The following PIP5K1C variants were observed in gnomAD, a reference collection of about 807,000 sequenced individuals.
PIP5K1C encodes phosphatidylinositol-4-phosphate 5-kinase type 1 gamma.
In PIP5K1C, 45 loss-of-function variants were observed where a neutral mutation model predicts 80.1. The ratio of observed to expected loss-of-function variants is 0.56; its 90% CI spans 0.44 to 0.72. The LOEUF (loss-of-function observed/expected upper bound fraction) is 0.72. Ranked by LOEUF, PIP5K1C falls within the 30% of genes least tolerant of loss-of-function variation. The pLI is 0.00. For missense variants in PIP5K1C, 753 were observed against 954.6 expected, an observed-to-expected ratio of 0.79 and a Z score of 2.78; for synonymous variants, 498 against 420.1, an observed-to-expected ratio of 1.19 and a Z score of -2.27.
rs1275101171 is a variant in PIP5K1C at position 3,648,491 on chromosome 19, A to G, written c.1211+134T>C. 2.4e-6 allele frequency: 2 copies of G among 819,996 alleles called. No individual in the cohort carries two copies. The highest frequency in any genetic ancestry group is 3.5e-5 in the African/African-American group (2 of 57,438). The allele number at this position is 819,996 out of a possible 1,614,324, so 50.8% of individuals were successfully genotyped here. On this transcript the variant is annotated intron_variant, in intron 9 of 17. Coordinates refer to ENST00000335312, the MANE Select transcript of PIP5K1C (RefSeq NM_012398.3). This position sits in a 1 kb window ranked among gnomAD's most constrained non-coding sequence, Gnocchi z 4.3. ...CTGGGGGCGCCCATCCACCTGTGGG[A>G]CTGCAGACCCAGGCGCCCACCTGTG...
chr19:3,694,211 CA>C (rs1175485721), intron 1 of PIP5K1C, among the ~76,000 whole-genome samples: 371 of 57,478 alleles, frequency 6.5e-3, no homozygotes, highest in Middle Eastern at 0.011. Flanking sequence ...GACTCCATCT[CA>C]AAAAAAAAAA....
intron 4 of PIP5K1C, 81 bp downstream of exon 4, chr19:3,661,790 A>G: frequency 6.4e-7 from 1 of 1,554,610 alleles, no homozygotes; most frequent in Middle Eastern, 1.7e-4. Flanking sequence ...TTCAGCAGAG[A>G]AGGGCGCTCA....
intron 1 of PIP5K1C, among the ~76,000 whole-genome samples, chr19:3,690,784 T>TA (rs1336352759): frequency 6.6e-6 from 1 of 152,136 alleles, no homozygotes; most frequent in Non-Finnish European, 1.5e-5. Flanking sequence ...GACAGATAAC[T>TA]GTAGACTGGG....
chr19:3,697,279 C>A (rs2036149542), intron 1 of PIP5K1C, among the ~76,000 whole-genome samples: 1 of 129,304 alleles, frequency 7.7e-6, no homozygotes, highest in Admixed American at 8.1e-5. Flanking sequence ...GAGGACCAAG[C>A]CGGATAGAGG....
intron 11 of PIP5K1C, among the ~76,000 whole-genome samples, chr19:3,644,483 T>G (rs1326784483): frequency 3.3e-5 from 5 of 152,142 alleles, no homozygotes; most frequent in Non-Finnish European, 7.4e-5. Flanking sequence ...TGAGACACAC[T>G]GGGACCTGGC....
At chr19:3,638,067 C>G in intron 16 of PIP5K1C, 1 of 1,451,086 alleles carries the variant, frequency 6.9e-7, no homozygotes, top group Non-Finnish European at 9.0e-7. Context: ...ACAACAGGCC[C>G]TAAGGCCTGG....
chr19:3,696,212 C>G lies in PIP5K1C; in HGVS notation c.94+4085G>C, dbSNP rs1234492940. Among the ~76,000 whole-genome samples, 1 of 152,202 alleles carries G rather than the reference C, an allele frequency of 6.6e-6. No homozygotes were observed. Among genetic ancestry groups the G allele is most frequent in the African/African-American group, 2.4e-5 (1 of 41,448 alleles). ...TCTCCCTCGGATGCCACCTTCTTGGCAAGGCCTTCCCAGCCACCCCATTCT... is the reference window on the plus strand; with the variant it reads ...TCTCCCTCGGATGCCACCTTCTTGGGAAGGCCTTCCCAGCCACCCCATTCT... On this transcript the variant is annotated intron_variant, in intron 1 of 17. Coordinates refer to ENST00000335312, the MANE Select transcript of PIP5K1C (RefSeq NM_012398.3). The surrounding 1 kb of genome is among the most constrained non-coding windows in gnomAD (Gnocchi z 4.1).
At chr19:3,664,681 G>T in intron 3 of PIP5K1C, 141 bp downstream of exon 3, 1 of 779,144 alleles carries the variant, frequency 1.3e-6, no homozygotes, top group Non-Finnish European at 2.3e-6. Context: ...TCCAGCCTCT[G>T]CCTCCACACA....
intron 1 of PIP5K1C, among the ~76,000 whole-genome samples, chr19:3,682,399 G>A (rs552065251): frequency 5.3e-5 from 8 of 151,406 alleles, no homozygotes; most frequent in African/African-American, 1.9e-4. Flanking sequence ...AGGCATTGTG[G>A]GCCAGGCGCA....
rs2034324943 is a variant in PIP5K1C, at chr19:3,648,532, GC to G, written c.1211+92del. On this transcript the variant is annotated intron_variant, in intron 9 of 17. Transcript: ENST00000335312. The surrounding 1 kb of genome is among the most constrained non-coding windows in gnomAD (Gnocchi z 4.3). ...CCCACCTGTGGGGCTGCAGACCCGG[GC>G]GCCCACCTGTGGGGCTGCAGACCCG... The G allele has an allele frequency of 6.2e-6, 6 of 962,024 alleles. No individual in the cohort carries two copies. The highest frequency in any genetic ancestry group is 1.8e-5 in the Admixed American group (1 of 55,434). The allele number at this position is 962,024 out of a possible 1,614,324, so 59.6% of individuals were successfully genotyped here.
intron 16 of PIP5K1C, chr19:3,636,850 G>A (rs2033708947): frequency 1.0e-6 from 1 of 992,810 alleles, no homozygotes; most frequent in African/African-American, 1.7e-5. Context: ...GGTCTCTTAG[G>A]CTCTCTGGGC....
intron 1 of PIP5K1C, among the ~76,000 whole-genome samples, chr19:3,689,300 C>T (rs2035872651): frequency 1.3e-5 from 2 of 152,204 alleles, no homozygotes; most frequent in Admixed American, 6.5e-5. Context: ...CTTGGGTTTC[C>T]CCTGGAGCCA....
rs1396480790 is a variant in PIP5K1C, at chr19:3,688,958, T to G, written c.94+11339A>C. 6.8e-5 allele frequency among the ~76,000 whole-genome samples: 10 copies of G among 146,110 alleles called. No individual in the cohort carries two copies. Among genetic ancestry groups the G allele is most frequent in the South Asian group, 4.6e-4 (2 of 4,372 alleles). ...GAGTGCCCGGGATGGGGCTGGGGGG[T>G]GGGGGGGGCTTGGCGCACGCGGCCT... On this transcript the variant is annotated intron_variant, in intron 1 of 17. Coordinates refer to ENST00000335312, the MANE Select transcript of PIP5K1C (RefSeq NM_012398.3). This position sits in a 1 kb window ranked among gnomAD's most constrained non-coding sequence, Gnocchi z 5.3.
chr19:3,679,856 G>T (rs546203894), intron 1 of PIP5K1C, among the ~76,000 whole-genome samples: 1 of 152,362 alleles, frequency 6.6e-6, no homozygotes, highest in South Asian at 2.1e-4. Flanking sequence ...GGACGGAGTG[G>T]TGGAGCAGGC....
chr19:3,653,566 C>T lies in PIP5K1C; in HGVS notation c.645G>A (p.Thr215=), dbSNP rs779545106. ...ACAGCCCATAGAACTTGGGCAGCAG[C>T]GTCCGCGGGTTCTGGTTGAGGTTCT... ...YYMNLNQNPR[T]LLPKFYGLYC... is the part of the protein sequence containing the mutation. Residue 215 remains threonine, a synonymous_variant, in exon 7 of 18, where the codon ACG becomes ACA. Transcript: ENST00000335312. 2.2e-5 allele frequency: 36 copies of T among 1,608,570 alleles called. No individual in the cohort carries two copies. Among genetic ancestry groups the T allele is most frequent in the East Asian group, 4.5e-5 (2 of 44,780 alleles).
At position 3,695,032 on chromosome 19, in the gene PIP5K1C, G is replaced by A. The variant is rs149154596; in HGVS notation, c.94+5265C>T. 8.1e-3 allele frequency among the ~76,000 whole-genome samples: 1,231 copies of A among 152,378 alleles called. 58 individuals carry two copies. Among genetic ancestry groups the A allele is most frequent in the Admixed American group, 0.067 (1,021 of 15,304 alleles). On this transcript the variant is annotated intron_variant, in intron 1 of 17. Coordinates refer to ENST00000335312, the MANE Select transcript of PIP5K1C (RefSeq NM_012398.3). Reference sequence around the variant, plus strand: ...CGGCAACGGAACAAATGGTGTGGCCGTTGCCAATAAAACTTTGTTGACAAG... The same window carrying A: ...CGGCAACGGAACAAATGGTGTGGCCATTGCCAATAAAACTTTGTTGACAAG...
chr19:3,682,759 A>C (rs1338598579), intron 1 of PIP5K1C, among the ~76,000 whole-genome samples: 1 of 152,120 alleles, frequency 6.6e-6, no homozygotes, highest in African/African-American at 2.4e-5. Flanking sequence ...GCCCCAGTTG[A>C]GCCTTCAGAG....
At chr19:3,693,393 T>C (rs937699577) in intron 1 of PIP5K1C, among the ~76,000 whole-genome samples, 1 of 152,078 alleles carries the variant, frequency 6.6e-6, no homozygotes, top group African/African-American at 2.4e-5. Context: ...CCTCCCAAGC[T>C]GGCCTCTCAG....
At chr19:3,698,125 C>T (rs540494079) in intron 1 of PIP5K1C, among the ~76,000 whole-genome samples, 5 of 152,390 alleles carry the variant, frequency 3.3e-5, no homozygotes, top group Admixed American at 1.3e-4. Flanking sequence ...GTGTCGCCAT[C>T]GCTTCTAACA....
Sources: gnomAD v4.1 joint callset for allele counts (sites outside exome capture counted in the v4.1 genomes callset) on GRCh38, gnomAD v4.1.1 for gene constraint, Gnocchi (gnomAD v3.1) non-coding constraint, MANE v1.5 for transcripts, NCBI Gene and HGNC (gene_info 2026-07-23, HGNC 2026-07-21) for gene names.